Variants in TTC34 observed in about 807,000 individuals in gnomAD.
TTC34 encodes tetratricopeptide repeat domain 34, also known as tetratricopeptide repeat protein 34.
A neutral mutation model predicts 40.7 loss-of-function variants in TTC34; 44 were observed. That is an observed-to-expected ratio of 1.08 (90% CI 0.85 to 1.39). The LOEUF is 1.39. Ranked by LOEUF, TTC34 falls within the 40% of genes most tolerant of loss-of-function variation. The pLI, the probability that TTC34 is intolerant of heterozygous loss-of-function variation, is 0.00. For missense variants in TTC34, 884 were observed against 838.0 expected, an observed-to-expected ratio of 1.05 and a Z score of -0.68; for synonymous variants, 422 against 398.6, an observed-to-expected ratio of 1.06 and a Z score of -0.70.
chr1:2,773,161 T>C (rs1288294017), intron 6 of TTC34, among the ~76,000 whole-genome samples: 3 of 139,528 alleles, frequency 2.2e-5, no homozygotes, highest in East Asian at 2.3e-4. Context: ...TCTGACAGCC[T>C]GGAGCAGCGC....
intron 6 of TTC34, among the ~76,000 whole-genome samples, chr1:2,685,119 C>A (rs1447186979): frequency 2.0e-4 from 27 of 131,906 alleles, no homozygotes; most frequent in African/African-American, 5.4e-4. Context: ...GCACCCACAC[C>A]CCCAGGCGAG....
At chr1:2,752,872 ATGGCCTGGAACGG>A (rs1641370846) in intron 6 of TTC34, among the ~76,000 whole-genome samples, 1 of 151,078 alleles carries the variant, frequency 6.6e-6, no homozygotes, top group Admixed American at 6.6e-5. Flanking sequence ...CGAGCATCTG[ATGGCCTGGAACGG>A]CACCCACACC....
At position 2,644,246 on chromosome 1, in the gene TTC34, G is replaced by C. The variant is rs764912241; in HGVS notation, c.2712+18C>G. ...TGGGGAAGGTTGGGGTGGGAGATCTGTGGGGTTCTTTGGGCACCTGGGCAA... is the reference window on the plus strand; with the variant it reads ...TGGGGAAGGTTGGGGTGGGAGATCTCTGGGGTTCTTTGGGCACCTGGGCAA... On this transcript the variant is annotated intron_variant, in intron 8 of 8. Coordinates refer to ENST00000401095, the Ensembl canonical transcript of TTC34. 2.0e-6 allele frequency: 3 copies of C among 1,528,254 alleles called. No individual in the cohort carries two copies. The highest frequency in any genetic ancestry group is 1.2e-5 in the South Asian group (1 of 83,878). 94.7% of individuals were successfully genotyped at this position (1,528,254 alleles called of 1,614,324 possible). A position where few individuals can be genotyped will look rare whatever the true frequency, so the allele number is the denominator to read the frequency against.
At chr1:2,646,543 C>T (rs377714333) in intron 6 of TTC34, among the ~76,000 whole-genome samples, 2 of 152,156 alleles carry the variant, frequency 1.3e-5, no homozygotes, top group Non-Finnish European at 2.9e-5. Context: ...TGCCACCACA[C>T]CCAGCTCATT....
At chr1:2,772,561 G>A (rs529036731) in intron 6 of TTC34, among the ~76,000 whole-genome samples, 3 of 20,180 alleles carry the variant, frequency 1.5e-4, no homozygotes, top group African/African-American at 2.8e-4. Flanking sequence ...GCCTGCAGCA[G>A]CACCCACACC....
intron 6 of TTC34, among the ~76,000 whole-genome samples, chr1:2,694,124 T>TTC (rs1640752774): frequency 2.2e-5 from 3 of 138,130 alleles, no homozygotes; most frequent in Admixed American, 7.2e-5. Context: ...GGTGCGCACG[T>TTC]GACAGCCTGG....
intron 6 of TTC34, among the ~76,000 whole-genome samples, chr1:2,780,359 TTGTCAAATCCAG>T (rs1366258077): frequency 6.6e-6 from 1 of 152,230 alleles, no homozygotes; most frequent in Non-Finnish European, 1.5e-5. Flanking sequence ...CCAGAAGTCA[TTGTCAAATCCAG>T]TGTCGTGAAG....
At chr1:2,787,779 G>T in intron 3 of TTC34, 73 bp from the exon 4 acceptor site, 2 of 1,284,530 alleles carry the variant, frequency 1.6e-6, no homozygotes, top group Non-Finnish European at 1.1e-6. Flanking sequence ...ATTGGGCAGT[G>T]GGGAAATCCC....
intron 6 of TTC34, among the ~76,000 whole-genome samples, chr1:2,769,680 G>C (rs1641985307): frequency 7.3e-6 from 1 of 137,850 alleles, no homozygotes; most frequent in Admixed American, 7.2e-5. Flanking sequence ...ACCCCCAGGG[G>C]AGCATCTGAC....
At chr1:2,789,575 G>A (rs550789771) in exon 3 of TTC34, 131 of 1,482,772 alleles carry the variant, frequency 8.8e-5, no homozygotes, top group Non-Finnish European at 4.5e-6. Flanking sequence ...CCCGGCGCGT[G>A]GAGATCGCTG....
At chr1:2,759,685 GCTTGCATCCGACAGCCT>G (rs1641629005) in intron 6 of TTC34, among the ~76,000 whole-genome samples, 6 of 142,800 alleles carry the variant, frequency 4.2e-5, no homozygotes, top group African/African-American at 8.0e-5. Flanking sequence ...ACAACCCCAG[GCTTGCATCCGACAGCCT>G]GGAGCAGGAC....
chr1:2,686,212 C>A (rs968189277), intron 6 of TTC34, among the ~76,000 whole-genome samples: 1 of 148,214 alleles, frequency 6.7e-6, no homozygotes, highest in Non-Finnish European at 1.5e-5. Context: ...CCCAGGCGAG[C>A]ATCTGACAGC....
At chr1:2,688,097 C>A (rs28550579) in intron 6 of TTC34, among the ~76,000 whole-genome samples, 6 of 146,126 alleles carry the variant, frequency 4.1e-5, no homozygotes, top group South Asian at 2.3e-4. Flanking sequence ...CCCCCAGGTG[C>A]GCACGTGACA....
intron 6 of TTC34, among the ~76,000 whole-genome samples, chr1:2,771,491 C>T (rs992196454): frequency 6.0e-4 from 41 of 68,892 alleles, no homozygotes; most frequent in Middle Eastern, 7.9e-3. Context: ...CACCCCCAGG[C>T]GAGCATCTGA....
intron 6 of TTC34, among the ~76,000 whole-genome samples, chr1:2,686,002 C>T (rs1180087241): frequency 2.5e-4 from 30 of 122,220 alleles, no homozygotes; most frequent in African/African-American, 9.2e-4. Flanking sequence ...ACCCACACCC[C>T]CAGGTGAGCA....
At chr1:2,783,736 C>T in exon 6 of TTC34, 1 of 1,541,784 alleles carries the variant, frequency 6.5e-7, no homozygotes, top group Non-Finnish European at 8.8e-7. Context: ...GAACCCATAG[C>T]AGCGGGCTCG....
chr1:2,652,407 C>A (rs1358772306), intron 6 of TTC34, among the ~76,000 whole-genome samples: 1 of 151,964 alleles, frequency 6.6e-6, no homozygotes, highest in African/African-American at 2.4e-5. Context: ...CACGCACACC[C>A]CCAGTGAGCA....
intron 6 of TTC34, among the ~76,000 whole-genome samples, chr1:2,751,643 C>CT (rs1641324060): frequency 1.6e-3 from 4 of 2,474 alleles, no homozygotes; most frequent in Admixed American, 6.2e-3. Flanking sequence ...GAACAGCACC[C>CT]ACACCCCCAG....
intron 6 of TTC34, among the ~76,000 whole-genome samples, chr1:2,750,246 A>C (rs1167481910): frequency 0.016 from 1,910 of 117,396 alleles, no homozygotes; most frequent in Middle Eastern, 0.026. Context: ...ACCCACACCC[A>C]CAGGTGGGCA....
Sources: allele counts gnomAD v4.1 joint callset (sites outside exome capture counted in the v4.1 genomes callset), GRCh38; gene constraint gnomAD v4.1.1; transcripts MANE v1.5; gene names NCBI Gene and HGNC (gene_info 2026-07-23, HGNC 2026-07-21).